ZAN: variants seen among roughly 807,000 people sequenced by gnomAD.
ZAN encodes zonadhesin (gene/pseudogene).
Under a neutral mutation model 286.2 loss-of-function variants are expected in ZAN, and 260 were observed. That is an observed-to-expected ratio of 0.91 (90% CI 0.82 to 1.01). ZAN has a LOEUF of 1.01. Among genes scored for constraint, ZAN ranks in the 50% least tolerant of loss-of-function variants. The pLI is 0.00. For missense variants in ZAN, 3,410 were observed against 3,639.2 expected (o/e 0.94, Z 1.62); for synonymous variants, 1,368 against 1,417.5 (o/e 0.97, Z 0.79).
chr7:100,745,705 G>T (rs989143734), intron 7 of ZAN, among the ~76,000 whole-genome samples: 1 of 151,072 alleles, frequency 6.6e-6, no homozygotes, highest in African/African-American at 2.4e-5. Context: ...GGGCAACATC[G>T]TGAGACCGCC....
chr7:100,747,483 G>C (rs2075671), intron 8 of ZAN, 67 bp from the exon 9 acceptor site: 1 of 1,334,408 alleles, frequency 7.5e-7, no homozygotes, highest in African/African-American at 1.4e-5. Flanking sequence ...CATCCTCCTA[G>C]GTATAGTTCA....
intron 7 of ZAN, among the ~76,000 whole-genome samples, chr7:100,743,515 A>G (rs1584551608): frequency 6.6e-6 from 1 of 152,122 alleles, no homozygotes; most frequent in South Asian, 2.1e-4. Context: ...ACTGTAGGTC[A>G]AGCATAGAGG....
intron 23 of ZAN, among the ~76,000 whole-genome samples, chr7:100,766,029 C>T (rs571058623): frequency 2.1e-4 from 31 of 151,094 alleles, no homozygotes; most frequent in Admixed American, 1.1e-3. Flanking sequence ...ATCTGTTGTC[C>T]GGGCTGGAGT....
At position 100,767,055 on chromosome 7, in the gene ZAN, T is replaced by A; in HGVS notation, c.4658T>A (p.Phe1553Tyr). The A allele has an allele frequency of 6.2e-7, 1 of 1,613,884 alleles. No homozygotes were observed. Among genetic ancestry groups the A allele is most frequent in the Non-Finnish European group, 8.5e-7 (1 of 1,179,842 alleles). The change falls in exon 25 of 48, where the codon TTC becomes TAC. Residue 1553 changes from phenylalanine (F) to tyrosine (Y), a missense_variant. Coordinates refer to ENST00000613979, the MANE Select transcript of ZAN (RefSeq NM_003386.3). The part of the protein sequence containing the change: ...TASGDPHYLT[F>Y]DGALHHFMGT... ...TCGGGTGACCCCCACTACCTGACCT[T>A]CGATGGCGCCTTGCACCACTTCATG... is the stretch of plus-strand genomic sequence containing the variant.
chr7:100,784,505 A>T (rs896760834), intron 35 of ZAN, 118 bp from the exon 36 acceptor site: 59 of 954,804 alleles, frequency 6.2e-5, no homozygotes, highest in Non-Finnish European at 2.9e-5. Context: ...TAACAAAAGA[A>T]CAAAAAAAGC....
intron 15 of ZAN, among the ~76,000 whole-genome samples, chr7:100,756,931 G>T (rs1809189915): frequency 1.3e-5 from 2 of 152,054 alleles, no homozygotes; most frequent in African/African-American, 4.8e-5. Flanking sequence ...ACCACGCCCA[G>T]CTAATTTTGT....
chr7:100,762,399 C>T (rs370169335), intron 20 of ZAN, 41 bp downstream of exon 20: 43 of 1,523,710 alleles, frequency 2.8e-5, no homozygotes, highest in Admixed American at 9.0e-5. Flanking sequence ...GGGAAGGTTC[C>T]GTCCCCTTCC....
At chr7:100,735,626 T>TA in intron 2 of ZAN, 94 bp from the exon 3 acceptor site, 1 of 984,758 alleles carries the variant, frequency 1.0e-6, no homozygotes, top group Non-Finnish European at 1.5e-6. Context: ...TGATCATCCT[T>TA]ACGTGACCAC....
rs1258546250 is a variant in ZAN at position 100,766,614 on chromosome 7, G to A, written c.4560G>A (p.Arg1520=). ...NRIRCQPWRC[R]AQEFCGQQDG... Reference sequence around the variant, plus strand: ...TTCGCTGCCAGCCCTGGAGGTGTAGGGCCCAGGAGTTCTGTGGCCAACAGG... The same window carrying A: ...TTCGCTGCCAGCCCTGGAGGTGTAGAGCCCAGGAGTTCTGTGGCCAACAGG... Residue 1520 remains arginine, a synonymous_variant, in exon 24 of 48, where the codon AGG becomes AGA. Transcript: ENST00000613979. The A allele has an allele frequency of 6.4e-7, 1 of 1,559,014 alleles. No individual in the cohort carries two copies. The highest frequency in any genetic ancestry group is 1.4e-5 in the African/African-American group (1 of 73,558).
At chr7:100,791,320 C>A (rs1811940862) in intron 40 of ZAN, among the ~76,000 whole-genome samples, 2 of 152,134 alleles carry the variant, frequency 1.3e-5, no homozygotes, top group Admixed American at 1.3e-4. Flanking sequence ...CTGCCCTGCC[C>A]TCAGCCTGCC....
chr7:100,736,582 CCT>C lies in ZAN; in HGVS notation c.210_211del (p.Pro71HisfsTer12). ...GAAGACTGGGTTCGAGCCAGTGGGC[CCT>C]CTCCCACCGGCTCCACCGGGGCCCC... On this transcript the variant is annotated frameshift_variant, in exon 4 of 48. Transcript: ENST00000613979. LOFTEE classifies it high-confidence loss of function. 1 of 1,522,828 alleles carries C rather than the reference CCT, an allele frequency of 6.6e-7. No individual in the cohort carries two copies. The highest frequency in any genetic ancestry group is 9.0e-7 in the Non-Finnish European group (1 of 1,107,348). 94.3% of individuals were successfully genotyped at this position (1,522,828 alleles called of 1,614,324 possible). A position where few individuals can be genotyped will look rare whatever the true frequency, so the allele number is the denominator to read the frequency against.
Position 100,792,437 on chromosome 7 carries a change from AC to A in ZAN, c.7748del (p.Pro2583GlnfsTer86). On this transcript the variant is annotated frameshift_variant, in exon 42 of 48. Coordinates refer to ENST00000613979, the MANE Select transcript of ZAN (RefSeq NM_003386.3). LOFTEE classifies it high-confidence loss of function. ...HCVLDLCSAQDPREQEELRCQ... is the reference protein window; with the variant it reads ...HCVLDLCSAQXPREQEELRCQ... ...GTGCTGGATCTGTGCTCTGCTCAGGACCCAAGAGAGCAAGAGGAGCTGCGTT... is the reference window on the plus strand; with the variant it reads ...GTGCTGGATCTGTGCTCTGCTCAGGACCAAGAGAGCAAGAGGAGCTGCGTT... 6.2e-7 allele frequency: 1 copy of A among 1,613,606 alleles called. No individual in the cohort carries two copies. Among genetic ancestry groups the A allele is most frequent in the South Asian group, 1.1e-5 (1 of 91,056 alleles).
At chr7:100,775,212 C>T (rs926307034) in intron 31 of ZAN, 116 bp from the exon 32 acceptor site, 37 of 1,446,728 alleles carry the variant, frequency 2.6e-5, no homozygotes, top group South Asian at 2.1e-4. Flanking sequence ...TGCGCACAGC[C>T]GGACCTGGGG....
Position 100,767,893 on chromosome 7 carries a change from C to T in ZAN, c.4923C>T (p.Leu1641=), listed in dbSNP as rs760536534. The change falls in exon 26 of 48, where the codon CTC becomes CTT. Residue 1641 remains leucine, a synonymous_variant. Coordinates refer to ENST00000613979, the MANE Select transcript of ZAN (RefSeq NM_003386.3). Reference sequence around the variant, plus strand: ...CACAAGGCCGGGTGACCATAAGGCTCAGCAGCAACCTCGTCCTCCTCTACA... The same window carrying T: ...CACAAGGCCGGGTGACCATAAGGCTTAGCAGCAACCTCGTCCTCCTCTACA... ...WLAQGRVTIR[L]SSNLVLLYTN... The T allele has an allele frequency of 5.0e-6, 8 of 1,613,928 alleles. No homozygotes were observed. The highest frequency in any genetic ancestry group is 6.8e-6 in the Non-Finnish European group (8 of 1,179,870).
chr7:100,772,565 T>C (rs1810445010), intron 29 of ZAN, among the ~76,000 whole-genome samples: 1 of 152,044 alleles, frequency 6.6e-6, no homozygotes, highest in East Asian at 1.9e-4. Context: ...CTCATGCCTG[T>C]AATCCCAGCA....
At chr7:100,757,132 G>A (rs908946684) in intron 15 of ZAN, among the ~76,000 whole-genome samples, 5 of 151,466 alleles carry the variant, frequency 3.3e-5, no homozygotes, top group African/African-American at 1.2e-4. Context: ...TTCTTCAAAG[G>A]TGTGTTTTTT....
At chr7:100,764,950 G>A (rs959861350) in intron 22 of ZAN, among the ~76,000 whole-genome samples, 65 of 152,278 alleles carry the variant, frequency 4.3e-4, no homozygotes, top group Non-Finnish European at 4.4e-5. Flanking sequence ...CCTAGGCAGG[G>A]GAGGCAACGA....
intron 25 of ZAN, among the ~76,000 whole-genome samples, chr7:100,767,562 AC>A (rs1260139914): frequency 7.9e-6 from 1 of 126,564 alleles, no homozygotes; most frequent in Non-Finnish European, 1.6e-5. Context: ...TGTGGCCTTG[AC>A]CCCCTGGGCT....
Position 100,769,873 on chromosome 7 carries a change from C to T in ZAN, c.5154-7C>T. ...GTAGCCCTCAGTTTCTATTCTCTCT[C>T]ATTTAGCTGTTTCCTTGTGGGTGGC... On this transcript the variant is annotated splice_region_variant and splice_polypyrimidine_tract_variant and intron_variant, in intron 27 of 47. Transcript: ENST00000613979. 1 of 1,552,932 alleles carries T rather than the reference C, an allele frequency of 6.4e-7. No homozygotes were observed. The highest frequency in any genetic ancestry group is 1.2e-5 in the South Asian group (1 of 84,096).
Sources: gnomAD v4.1 joint callset for allele counts (sites outside exome capture counted in the v4.1 genomes callset) on GRCh38, gnomAD v4.1.1 for gene constraint, MANE v1.5 for transcripts, NCBI Gene and HGNC (gene_info 2026-07-23, HGNC 2026-07-21) for gene names.